Variants in FBXO5 observed in about 807,000 individuals in gnomAD.
The protein encoded by FBXO5 is F-box only protein 5.
Under a neutral mutation model 43.3 loss-of-function variants are expected in FBXO5, and 8 were observed. That is an observed-to-expected ratio of 0.18 (90% CI 0.11 to 0.33). The LOEUF (loss-of-function observed/expected upper bound fraction) is 0.33. Among genes scored for constraint, FBXO5 ranks in the 10% least tolerant of loss-of-function variants. FBXO5 has a pLI of 1.00. For missense variants in FBXO5, 491 were observed against 535.7 expected (o/e 0.92, Z 0.82); for synonymous variants, 204 against 193.7 (o/e 1.05, Z -0.44).
At chr6:152,972,215 A>G in intron 4 of FBXO5, 57 bp downstream of exon 4, 1 of 1,335,124 alleles carries the variant, frequency 7.5e-7, no homozygotes. Context: ...AAGTTCTTTT[A>G]CATTTCTTAC....
chr6:152,972,696 A>G (rs1778105074), intron 3 of FBXO5: 3 of 504,818 alleles, frequency 5.9e-6, no homozygotes, highest in Middle Eastern at 5.3e-4. Flanking sequence ...GATGCAGTCT[A>G]TATGGTACTT....
intron 1 of FBXO5, among the ~76,000 whole-genome samples, chr6:152,982,274 C>T (rs1440092060): frequency 6.6e-6 from 1 of 152,074 alleles, no homozygotes; most frequent in East Asian, 1.9e-4. Flanking sequence ...CCCCTCAGGG[C>T]GCGGGACACG....
At chr6:152,973,974 A>G (rs1323130450) in intron 2 of FBXO5, 1 of 108,942 alleles carries the variant, frequency 9.2e-6, no homozygotes, top group Non-Finnish European at 1.8e-5. Flanking sequence ...CAAAAAGCCA[A>G]AAAAAAAAAA....
chr6:152,976,558 AAAGT>A (rs1778171787), intron 1 of FBXO5, among the ~76,000 whole-genome samples: 1 of 152,232 alleles, frequency 6.6e-6, no homozygotes, highest in African/African-American at 2.4e-5. Context: ...CTATCAATCA[AAAGT>A]AAGTGTTGGT....
chr6:152,983,113 A>G, upstream of FBXO5: 1 of 433,162 alleles, frequency 2.3e-6, no homozygotes, highest in Non-Finnish European at 4.0e-6. Context: ...GTCCAATGAG[A>G]CGCGTCGCTT....
chr6:152,974,832 G>A, intron 2 of FBXO5, 75 bp downstream of exon 2: 1 of 1,138,808 alleles, frequency 8.8e-7, no homozygotes. Flanking sequence ...GCCTTTGCAT[G>A]AGCTGGTGGT....
Position 152,983,027 on chromosome 6 carries a change from T to C in FBXO5, c.-68A>G. ...GGGGGCAGCTGAGCAACCTGCCTGC[T>C]TCACAGACCTGTATCTCTTAAAAGG... On this transcript the variant is annotated 5_prime_UTR_variant, in exon 1 of 5. Coordinates refer to ENST00000229758, the MANE Select transcript of FBXO5 (RefSeq NM_012177.5). 1.1e-6 allele frequency: 1 copy of C among 938,090 alleles called. No homozygotes were observed. Among genetic ancestry groups the C allele is most frequent in the Admixed American group, 4.1e-5 (1 of 24,164 alleles). 58.1% of individuals were successfully genotyped at this position (938,090 alleles called of 1,614,324 possible).
chr6:152,973,010 C>A (rs1778109812), intron 3 of FBXO5, 36 bp downstream of exon 3: 1 of 1,524,022 alleles, frequency 6.6e-7, no homozygotes, highest in Non-Finnish European at 9.1e-7. Context: ...ACTAACAGTG[C>A]ATTTTTAACT....
At chr6:152,977,050 T>C (rs983740995) in intron 1 of FBXO5, among the ~76,000 whole-genome samples, 1 of 152,176 alleles carries the variant, frequency 6.6e-6, no homozygotes, top group African/African-American at 2.4e-5. Context: ...TAAAAAATGA[T>C]TAGGATTTTG....
Position 152,978,392 on chromosome 6 carries a change from G to A in FBXO5, c.104-2771C>T, listed in dbSNP as rs1249128913. On this transcript the variant is annotated intron_variant, in intron 1 of 4. Transcript: ENST00000229758. ...CTTCATTTTTTGGGGGGGGGGGGGG[G>A]GCGGGGGACTTCTCAGACCTCATCA... Among the ~76,000 whole-genome samples the A allele has an allele frequency of 8.9e-3, 314 of 35,358 alleles. 7 individuals carry two copies. Among genetic ancestry groups the A allele is most frequent in the Non-Finnish European group, 0.015 (274 of 17,962 alleles). The allele number at this position is 35,358 out of a possible 152,430, so 23.2% of individuals were successfully genotyped here. A position where few individuals can be genotyped will look rare whatever the true frequency, so the allele number is the denominator to read the frequency against.
intron 2 of FBXO5, 45 bp downstream of exon 2, chr6:152,974,862 T>C (rs1272709894): frequency 2.1e-6 from 3 of 1,440,612 alleles, no homozygotes; most frequent in Non-Finnish European, 2.8e-6. Flanking sequence ...CTAACAGCAA[T>C]GTTCAGTGTA....
Position 152,970,980 on chromosome 6 carries a change from A to G in FBXO5, c.*183T>C. On this transcript the variant is annotated 3_prime_UTR_variant, in exon 5 of 5. Transcript: ENST00000229758. ...TATTGAGAATTTTAAACTTTTTCTC[A>G]TTAAATTGTAAAAATATTTTAAGAG... is the stretch of plus-strand genomic sequence containing the variant. 2.1e-6 allele frequency: 1 copy of G among 476,792 alleles called. No homozygotes were observed. The allele number at this position is 476,792 out of a possible 1,614,324, so 29.5% of individuals were successfully genotyped here. A position where few individuals can be genotyped will look rare whatever the true frequency, so the allele number is the denominator to read the frequency against.
At chr6:152,983,371 C>T (rs191297260), upstream of FBXO5, 4 of 171,606 alleles carry the variant, frequency 2.3e-5, no homozygotes, top group African/African-American at 7.1e-5. Flanking sequence ...GTCTTCTGGA[C>T]CGGCCTCCTG....
chr6:152,979,901 G>C (rs925167416), intron 1 of FBXO5, among the ~76,000 whole-genome samples: 1 of 152,182 alleles, frequency 6.6e-6, no homozygotes, highest in African/African-American at 2.4e-5. Flanking sequence ...CAAGCACTGT[G>C]GTTTCCTTTT....
chr6:152,976,265 T>C (rs1255654945), intron 1 of FBXO5, among the ~76,000 whole-genome samples: 4 of 152,198 alleles, frequency 2.6e-5, no homozygotes. Flanking sequence ...TCAAGAAATC[T>C]ATAGGTAGCT....
intron 1 of FBXO5, among the ~76,000 whole-genome samples, chr6:152,982,259 G>C (rs1281338722): frequency 6.6e-6 from 1 of 152,200 alleles, no homozygotes; most frequent in Non-Finnish European, 1.5e-5. Context: ...GGATCGGTGG[G>C]GCTGCCCCTC....
rs1778082256 is a variant in FBXO5, at chr6:152,971,288, T to C, written c.1219A>G (p.Thr407Ala). 6.2e-7 allele frequency: 1 copy of C among 1,613,990 alleles called. No individual in the cohort carries two copies. Among genetic ancestry groups the C allele is most frequent in the African/African-American group, 1.3e-5 (1 of 74,932 alleles). Residue 407 changes from threonine to alanine, a missense_variant, in exon 5 of 5, where the codon ACG (threonine) becomes GCG (alanine). Coordinates refer to ENST00000229758, the MANE Select transcript of FBXO5 (RefSeq NM_012177.5). ...KREGCGFDYC[T>A]KCLCNYHTTK... ...GTATGATAATTACAGAGACACTTCGTACAATAATCAAATCCACAGCCTTCT... is the reference window on the plus strand; with the variant it reads ...GTATGATAATTACAGAGACACTTCGCACAATAATCAAATCCACAGCCTTCT...
At position 152,971,538 on chromosome 6, in the gene FBXO5, C is replaced by T. The variant is rs1029587475; in HGVS notation, c.1093-124G>A. On this transcript the variant is annotated intron_variant, in intron 4 of 4. Transcript: ENST00000229758. ...GTATGAAATATCACTGTCACACATA[C>T]GATAACTACTGCCCTAACTATTGCC... 8 of 912,608 alleles carry T rather than the reference C, an allele frequency of 8.8e-6. No individual in the cohort carries two copies. In the Admixed American group the frequency reaches 1.4e-4, roughly 16 times the overall value. The allele number at this position is 912,608 out of a possible 1,614,324, so 56.5% of individuals were successfully genotyped here.
intron 4 of FBXO5, among the ~76,000 whole-genome samples, chr6:152,971,896 A>T (rs1463562504): frequency 6.6e-6 from 1 of 152,180 alleles, no homozygotes; most frequent in Non-Finnish European, 1.5e-5. Flanking sequence ...TGTAGTACTG[A>T]GTAATTTTAT....
Sources: gnomAD v4.1 joint callset for allele counts (sites outside exome capture counted in the v4.1 genomes callset) on GRCh38, gnomAD v4.1.1 for gene constraint, MANE v1.5 for transcripts, NCBI Gene and HGNC (gene_info 2026-07-23, HGNC 2026-07-21) for gene names.